NFIA: variants seen among roughly 807,000 people sequenced by gnomAD.
NFIA encodes nuclear factor 1 A-type.
In NFIA, 8 loss-of-function variants were observed where a neutral mutation model predicts 62.8. The ratio of observed to expected loss-of-function variants is 0.13; its 90% confidence interval spans 0.07 to 0.23. NFIA has a LOEUF of 0.23. NFIA is among the 10% of genes least tolerant of loss of function. The pLI is 1.00. For missense variants in NFIA, 410 were observed against 642.1 expected (o/e 0.64, Z 3.91); for synonymous variants, 235 against 238.1 (o/e 0.99, Z 0.12).
intron 9 of NFIA, among the ~76,000 whole-genome samples, chr1:61,410,381 A>T (rs1305714960): frequency 2.0e-5 from 3 of 152,190 alleles, no homozygotes; most frequent in African/African-American, 7.2e-5. Flanking sequence ...GTGCTTTCTT[A>T]GAAATTAAAC....
intron 9 of NFIA, among the ~76,000 whole-genome samples, chr1:61,414,955 C>CCTA (rs1179631122): frequency 1.3e-5 from 2 of 152,118 alleles, no homozygotes; most frequent in Non-Finnish European, 2.9e-5. Flanking sequence ...ATTGTTCTCA[C>CCTA]CTACTCTTAG....
At chr1:61,212,490 T>C (rs1653328641) in intron 2 of NFIA, among the ~76,000 whole-genome samples, 1 of 152,348 alleles carries the variant, frequency 6.6e-6, no homozygotes, top group South Asian at 2.1e-4. Context: ...GCTTTTTGAA[T>C]AATTGAATTA....
At chr1:61,256,310 C>T (rs1656390790) in intron 2 of NFIA, among the ~76,000 whole-genome samples, 1 of 151,800 alleles carries the variant, frequency 6.6e-6, no homozygotes, top group Non-Finnish European at 1.5e-5. Context: ...GTGGTGCGTG[C>T]CTGTAATCCC....
Position 61,126,033 on chromosome 1 carries a change from T to C in NFIA, c.559+37353T>C, listed in dbSNP as rs563479970. 1.7e-3 allele frequency among the ~76,000 whole-genome samples: 261 copies of C among 152,278 alleles called. 2 individuals carry two copies. Among genetic ancestry groups the C allele is most frequent in the African/African-American group, 5.8e-3 (241 of 41,552 alleles). On this transcript the variant is annotated intron_variant, in intron 2 of 10. Transcript: ENST00000403491. Reference sequence around the variant, plus strand: ...CTTTATCGCCATCTCATCTGACTTATGTATGAGTGCAGGTTTTATAACCCT... The same window carrying C: ...CTTTATCGCCATCTCATCTGACTTACGTATGAGTGCAGGTTTTATAACCCT...
rs953552448 is a variant in NFIA at position 61,269,049 on chromosome 1, C to T, written c.560-8471C>T. ...TGTTTTTAGCTGCTGATGCATACAG[C>T]GCCACTGAGGAGAATACAAACAAGT... On this transcript the variant is annotated intron_variant, in intron 2 of 10. Transcript: ENST00000403491. Among the ~76,000 whole-genome samples, 8 of 152,096 alleles carry T rather than the reference C, an allele frequency of 5.3e-5. No homozygotes were observed. In the East Asian group the frequency reaches 7.7e-4, roughly 15 times the overall value.
intron 2 of NFIA, among the ~76,000 whole-genome samples, chr1:61,252,679 G>A (rs2100215341): frequency 6.6e-6 from 1 of 152,244 alleles, no homozygotes; most frequent in East Asian, 1.9e-4. Context: ...AAGATGCTGT[G>A]GAGCTCCAAT....
intron 2 of NFIA, among the ~76,000 whole-genome samples, chr1:61,253,947 A>AC (rs1656213915): frequency 6.6e-6 from 1 of 151,948 alleles, no homozygotes; most frequent in African/African-American, 2.4e-5. Context: ...TATTTTTAAA[A>AC]CTTTTTTTTT....
chr1:61,258,365 G>A (rs1336010935), intron 2 of NFIA, among the ~76,000 whole-genome samples: 1 of 152,108 alleles, frequency 6.6e-6, no homozygotes, highest in Non-Finnish European at 1.5e-5. Flanking sequence ...ACAGTTTCTA[G>A]ACCCATCTTT....
At chr1:61,359,027 T>C in intron 5 of NFIA, 120 bp from the exon 6 acceptor site, 1 of 1,409,966 alleles carries the variant, frequency 7.1e-7, no homozygotes, top group Admixed American at 2.1e-5. Context: ...AAAGGAGTCC[T>C]AGAACTACAT....
intron 6 of NFIA, among the ~76,000 whole-genome samples, chr1:61,376,971 C>T (rs1291452988): frequency 6.6e-6 from 1 of 152,034 alleles, no homozygotes; most frequent in African/African-American, 2.4e-5. Context: ...AATCCCAGCA[C>T]TTTGGGAGGC....
At chr1:61,094,714 A>G (rs1262235427) in intron 2 of NFIA, among the ~76,000 whole-genome samples, 3 of 152,240 alleles carry the variant, frequency 2.0e-5, no homozygotes, top group Non-Finnish European at 4.4e-5. Flanking sequence ...TGAACTTAAC[A>G]GAATTATTTA....
intron 2 of NFIA, among the ~76,000 whole-genome samples, chr1:61,161,400 G>T (rs2100536155): frequency 6.6e-6 from 1 of 152,262 alleles, no homozygotes; most frequent in East Asian, 1.9e-4. Context: ...ACACAAGTCT[G>T]ATTTTTCATT....
chr1:61,419,458 A>C (rs115124159), intron 9 of NFIA, among the ~76,000 whole-genome samples: 1 of 152,192 alleles, frequency 6.6e-6, no homozygotes, highest in Non-Finnish European at 1.5e-5. Context: ...GATTGGCTAC[A>C]GGAAACACTC....
At position 61,185,635 on chromosome 1, in the gene NFIA, C is replaced by CTTT. The variant is rs755426214; in HGVS notation, c.560-91866_560-91864dup. ...TTCTGTATCTACCTTTCTAACCCCA[C>CTTT]TTTTTTTTTTTTTTTTTTTTTAACC... On this transcript the variant is annotated intron_variant, in intron 2 of 10. Coordinates refer to ENST00000403491, the MANE Select transcript of NFIA (RefSeq NM_001134673.4). Among the ~76,000 whole-genome samples the CTTT allele has an allele frequency of 2.2e-4, 29 of 130,670 alleles. 1 individual carries two copies. Among genetic ancestry groups the CTTT allele is most frequent in the East Asian group, 9.0e-4 (4 of 4,436 alleles). 85.7% of individuals were successfully genotyped at this position (130,670 alleles called of 152,430 possible).
At chr1:61,266,881 G>T (rs1285570692) in intron 2 of NFIA, among the ~76,000 whole-genome samples, 1 of 152,168 alleles carries the variant, frequency 6.6e-6, no homozygotes, top group African/African-American at 2.4e-5. Flanking sequence ...AACAGTTAGA[G>T]AATTATAGCC....
chr1:61,146,313 T>G (rs1046622724), intron 2 of NFIA, among the ~76,000 whole-genome samples: 1 of 152,196 alleles, frequency 6.6e-6, no homozygotes, highest in African/African-American at 2.4e-5. Flanking sequence ...TCATGCATTC[T>G]GGACATTAGG....
At chr1:61,129,254 T>G (rs565782519) in intron 2 of NFIA, among the ~76,000 whole-genome samples, 2 of 151,958 alleles carry the variant, frequency 1.3e-5, no homozygotes, top group South Asian at 4.2e-4. Context: ...CTTTAAAATG[T>G]TAAAAGATGA....
At chr1:61,261,533 G>A (rs1353324676) in intron 2 of NFIA, among the ~76,000 whole-genome samples, 1 of 152,174 alleles carries the variant, frequency 6.6e-6, no homozygotes, top group East Asian at 1.9e-4. Flanking sequence ...TGTATCAAAT[G>A]CATTTTCAAC....
chr1:61,211,180 C>G (rs1557639340), intron 2 of NFIA, among the ~76,000 whole-genome samples: 1 of 152,158 alleles, frequency 6.6e-6, no homozygotes, highest in Non-Finnish European at 1.5e-5. Context: ...TGGCTACATT[C>G]TAGGGGCTTT....
Sources: gnomAD v4.1 joint callset for allele counts (sites outside exome capture counted in the v4.1 genomes callset) on GRCh38, gnomAD v4.1.1 for gene constraint, MANE v1.5 for transcripts, NCBI Gene and HGNC (gene_info 2026-07-23, HGNC 2026-07-21) for gene names.